The following CNTN5 variants were observed in gnomAD, a reference collection of about 807,000 sequenced individuals.
CNTN5 encodes the protein contactin 5, also known as contactin-5.
Under a neutral mutation model 129.1 loss-of-function variants are expected in CNTN5, and 77 were observed. The ratio of observed to expected loss-of-function variants is 0.60; its 90% CI spans 0.50 to 0.72. The LOEUF (loss-of-function observed/expected upper bound fraction) is 0.72, where lower values mean the gene tolerates loss of function less well. CNTN5 is among the 30% of genes least tolerant of loss of function. The pLI is 0.00. For missense variants in CNTN5, 1,478 were observed against 1,328.8 expected, an observed-to-expected ratio of 1.11 and a Z score of -1.75; for synonymous variants, 509 against 465.6, an observed-to-expected ratio of 1.09 and a Z score of -1.20.
intron 3 of CNTN5, among the ~76,000 whole-genome samples, chr11:99,790,294 G>C (rs1945693586): frequency 6.6e-6 from 1 of 151,976 alleles, no homozygotes; most frequent in Non-Finnish European, 1.5e-5. Flanking sequence ...AATAAGCATA[G>C]TAATAGGTAA....
intron 3 of CNTN5, among the ~76,000 whole-genome samples, chr11:99,643,211 G>A (rs1281759172): frequency 2.8e-5 from 4 of 142,538 alleles, no homozygotes; most frequent in Non-Finnish European, 4.6e-5. Flanking sequence ...CAATAATGGG[G>A]AACTAGAAAA....
At chr11:99,998,350 C>A (rs4754663) in intron 8 of CNTN5, among the ~76,000 whole-genome samples, 41,613 of 123,434 alleles carry the variant, frequency 0.34, 3,179 homozygotes, top group African/African-American at 0.43. Context: ...AAGCATTCTT[C>A]TACACCAATA....
intron 1 of CNTN5, among the ~76,000 whole-genome samples, chr11:99,279,536 A>G (rs1218025432): frequency 6.6e-6 from 1 of 151,812 alleles, no homozygotes; most frequent in Non-Finnish European, 1.5e-5. Context: ...AACCAGTTTA[A>G]AGGGACATGC....
chr11:99,609,697 G>A (rs1214061754), intron 3 of CNTN5, among the ~76,000 whole-genome samples: 1 of 152,182 alleles, frequency 6.6e-6, no homozygotes, highest in East Asian at 1.9e-4. Flanking sequence ...AGATAAGATA[G>A]GTATCATCAT....
intron 6 of CNTN5, among the ~76,000 whole-genome samples, chr11:99,915,462 A>G (rs781161854): frequency 6.6e-6 from 1 of 152,158 alleles, no homozygotes; most frequent in Non-Finnish European, 1.5e-5. Context: ...ATCAAAATGG[A>G]TGAGAGTAGT....
At chr11:99,858,151 GAA>G (rs1463282003) in intron 6 of CNTN5, among the ~76,000 whole-genome samples, 1 of 152,110 alleles carries the variant, frequency 6.6e-6, no homozygotes, top group Non-Finnish European at 1.5e-5. Context: ...ATAGGTGGAT[GAA>G]TTTAGAGAAT....
intron 13 of CNTN5, among the ~76,000 whole-genome samples, chr11:100,180,399 T>C (rs1279208327): frequency 6.6e-6 from 1 of 151,936 alleles, no homozygotes; most frequent in African/African-American, 2.4e-5. Flanking sequence ...TAGAGTGATT[T>C]AATATCCTGA....
At chr11:99,572,155 G>T (rs1348198079) in intron 3 of CNTN5, among the ~76,000 whole-genome samples, 1 of 152,128 alleles carries the variant, frequency 6.6e-6, no homozygotes, top group Non-Finnish European at 1.5e-5. Flanking sequence ...TATTTTCAGA[G>T]ATGTAAAATA....
intron 2 of CNTN5, among the ~76,000 whole-genome samples, chr11:99,403,379 A>G (rs1258772956): frequency 6.6e-6 from 1 of 151,252 alleles, no homozygotes; most frequent in African/African-American, 2.4e-5. Context: ...TCATTTTATC[A>G]TTTTTTTTCT....
chr11:99,542,735 C>A (rs1948159134), intron 2 of CNTN5, among the ~76,000 whole-genome samples: 2 of 152,136 alleles, frequency 1.3e-5, no homozygotes, highest in Admixed American at 1.3e-4. Flanking sequence ...GCCAAGATTG[C>A]CTATTAGAGG....
intron 2 of CNTN5, among the ~76,000 whole-genome samples, chr11:99,523,932 A>G (rs1241771922): frequency 6.6e-6 from 1 of 152,140 alleles, no homozygotes; most frequent in Non-Finnish European, 1.5e-5. Flanking sequence ...CAAAAGATTG[A>G]TATTCTCTGA....
chr11:99,442,423 G>C (rs1383248383), intron 2 of CNTN5, among the ~76,000 whole-genome samples: 1 of 152,126 alleles, frequency 6.6e-6, no homozygotes, highest in Admixed American at 6.6e-5. Flanking sequence ...ACCCACCTTG[G>C]CCTCCCAAAG....
chr11:99,414,122 A>T (rs1321528641), intron 2 of CNTN5, among the ~76,000 whole-genome samples: 1 of 152,216 alleles, frequency 6.6e-6, no homozygotes, highest in East Asian at 1.9e-4. Flanking sequence ...CTTCCTCCTA[A>T]ACCACTGTGG....
intron 3 of CNTN5, among the ~76,000 whole-genome samples, chr11:99,759,559 T>C (rs1032199341): frequency 2.0e-5 from 3 of 151,958 alleles, no homozygotes; most frequent in South Asian, 2.1e-4. Flanking sequence ...ACTTGAGATA[T>C]GACCCCAAGA....
chr11:99,782,481 C>A lies in CNTN5; in HGVS notation c.56-37063C>A, dbSNP rs376122828. 1.3e-3 allele frequency among the ~76,000 whole-genome samples: 190 copies of A among 150,488 alleles called. No individual in the cohort carries two copies. In the Middle Eastern group the frequency reaches 0.028, roughly 22 times the overall value. ...TCACAGAATTGGAAAAAACTACTTT[C>A]AAGTTCATATGGAACCAAAAAAGAG... On this transcript the variant is annotated intron_variant, in intron 3 of 24. Coordinates refer to ENST00000524871, the MANE Select transcript of CNTN5 (RefSeq NM_014361.4).
intron 8 of CNTN5, among the ~76,000 whole-genome samples, chr11:99,962,712 A>G (rs181513836): frequency 0.071 from 10,716 of 151,156 alleles, 394 homozygotes; most frequent in Middle Eastern, 0.082. Context: ...TTCTAGTTCT[A>G]GATCCCTGAG....
At chr11:99,333,081 C>T (rs1866071417) in intron 2 of CNTN5, among the ~76,000 whole-genome samples, 1 of 151,950 alleles carries the variant, frequency 6.6e-6, no homozygotes, top group Non-Finnish European at 1.5e-5. Flanking sequence ...TTTTAAATTG[C>T]ACATTGTGGC....
At chr11:100,247,837 G>A (rs1216537545) in intron 16 of CNTN5, among the ~76,000 whole-genome samples, 21 of 151,668 alleles carry the variant, frequency 1.4e-4, no homozygotes, top group Admixed American at 1.4e-3. Flanking sequence ...CTTTTCCATT[G>A]AGTCAACACA....
At chr11:99,132,386 A>G (rs535200164) in intron 1 of CNTN5, among the ~76,000 whole-genome samples, 1 of 152,196 alleles carries the variant, frequency 6.6e-6, no homozygotes, top group Non-Finnish European at 1.5e-5. Flanking sequence ...TCAACATAGT[A>G]TTGGAAGTTC....
Sources: gnomAD v4.1 joint callset for allele counts (sites outside exome capture counted in the v4.1 genomes callset) on GRCh38, gnomAD v4.1.1 for gene constraint, MANE v1.5 for transcripts, NCBI Gene and HGNC (gene_info 2026-07-23, HGNC 2026-07-21) for gene names.